Variants in BIRC2 observed in about 807,000 individuals in gnomAD.
BIRC2 encodes the protein baculoviral IAP repeat containing 2, also known as baculoviral IAP repeat-containing protein 2.
A neutral mutation model predicts 60.9 loss-of-function variants in BIRC2; 18 were observed. The ratio of observed to expected loss-of-function variants is 0.30; its 90% CI spans 0.20 to 0.44. BIRC2 has a LOEUF of 0.44. Ranked by LOEUF, BIRC2 falls within the 20% of genes least tolerant of loss-of-function variation. The pLI is 1.00. For missense variants in BIRC2, 701 were observed against 728.5 expected, an observed-to-expected ratio of 0.96 and a Z score of 0.43; for synonymous variants, 282 against 247.7, an observed-to-expected ratio of 1.14 and a Z score of -1.30.
chr11:102,375,515 T>C (rs1304783603), intron 6 of BIRC2, among the ~76,000 whole-genome samples: 1 of 152,178 alleles, frequency 6.6e-6, no homozygotes, highest in Non-Finnish European at 1.5e-5. Flanking sequence ...GCGCGGTGGC[T>C]CATGCCTGTA....
intron 3 of BIRC2, among the ~76,000 whole-genome samples, chr11:102,356,276 A>G (rs548250944): frequency 6.6e-6 from 1 of 150,470 alleles, no homozygotes; most frequent in Non-Finnish European, 1.5e-5. Context: ...GCTCACTGCA[A>G]CCTCCACCTC....
intron 1 of BIRC2, chr11:102,348,342 G>T (rs763939349): frequency 6.5e-6 from 1 of 152,932 alleles, no homozygotes; most frequent in African/African-American, 2.4e-5. Flanking sequence ...TGTTTCCTGT[G>T]TGAAAATTTC....
intron 6 of BIRC2, among the ~76,000 whole-genome samples, chr11:102,377,109 C>T (rs909319862): frequency 3.3e-5 from 5 of 152,058 alleles, no homozygotes; most frequent in African/African-American, 1.2e-4. Context: ...CAGTAATACT[C>T]GCCTTGTTTA....
Position 102,350,097 on chromosome 11 carries a change from C to G in BIRC2, c.243C>G (p.Val81=). 1 of 1,614,142 alleles carries G rather than the reference C, an allele frequency of 6.2e-7. No individual in the cohort carries two copies. The highest frequency in any genetic ancestry group is 8.5e-7 in the Non-Finnish European group (1 of 1,180,028). Residue 81 remains valine (V), a synonymous_variant, in exon 2 of 9, where the codon GTC becomes GTG. Coordinates refer to ENST00000227758, the MANE Select transcript of BIRC2 (RefSeq NM_001166.5). ...ATTATACTGGTGTGAATGACAAGGTCAAATGCTTCTGTTGTGGCCTGATGC... is the reference window on the plus strand; with the variant it reads ...ATTATACTGGTGTGAATGACAAGGTGAAATGCTTCTGTTGTGGCCTGATGC... The part of the protein sequence containing the change: ...GFYYTGVNDK[V]KCFCCGLMLD...
intron 6 of BIRC2, among the ~76,000 whole-genome samples, chr11:102,375,017 G>A (rs1001844270): frequency 3.3e-5 from 5 of 152,230 alleles, no homozygotes; most frequent in Non-Finnish European, 7.3e-5. Context: ...GCCTTGCCCT[G>A]CTTCGGTTTG....
chr11:102,352,173 G>C (rs1457295019), intron 3 of BIRC2, among the ~76,000 whole-genome samples: 9 of 150,898 alleles, frequency 6.0e-5, no homozygotes, highest in African/African-American at 2.2e-4. Context: ...GAGAGCAGTG[G>C]CGCGATCTCG....
Position 102,368,309 on chromosome 11 carries a change from T to C in BIRC2, c.1127T>C (p.Ile376Thr), listed in dbSNP as rs773378777. ...TAGCATGTTTCTTTTCAAATAGTTA[T>C]TCATTTTGGACCTGGAGAAAGTTCT... ...TGEENADPPIIHFGPGESSSE... is the reference protein window; with the variant it reads ...TGEENADPPITHFGPGESSSE... The change falls in exon 6 of 9, where the codon ATT becomes ACT. Residue 376 changes from isoleucine (I) to threonine (T), a missense_variant. Around this residue, in one of 4 missense-constraint regions of BIRC2, gnomAD observed 235 missense variants for 208.9 expected, o/e 1.12. Transcript: ENST00000227758. 53 of 1,609,844 alleles carry C rather than the reference T, an allele frequency of 3.3e-5. No individual in the cohort carries two copies. The highest frequency in any genetic ancestry group is 2.8e-4 in the South Asian group (25 of 90,434).
chr11:102,354,398 G>A lies in BIRC2; in HGVS notation c.995+3455G>A, dbSNP rs147130465. 2.5e-3 allele frequency among the ~76,000 whole-genome samples: 373 copies of A among 152,170 alleles called. 1 individual carries two copies. Among genetic ancestry groups the A allele is most frequent in the Middle Eastern group, 0.01 (3 of 294 alleles). On this transcript the variant is annotated intron_variant, in intron 3 of 8. Transcript: ENST00000227758. The stretch of plus-strand genomic sequence containing the variant: ...CTAATTACTCTGTTTTTGTAGAGAC[G>A]GGGTTTCACCATGTTGGCCAGGCTG...
At chr11:102,361,141 C>T (rs565197225) in intron 3 of BIRC2, among the ~76,000 whole-genome samples, 1 of 152,098 alleles carries the variant, frequency 6.6e-6, no homozygotes, top group South Asian at 2.1e-4. Context: ...TCTCTGATGG[C>T]GTGGACACCT....
At chr11:102,365,363 C>CA (rs1195613760) in intron 5 of BIRC2, among the ~76,000 whole-genome samples, 1 of 152,152 alleles carries the variant, frequency 6.6e-6, no homozygotes, top group Non-Finnish European at 1.5e-5. Context: ...TGAATGTCCC[C>CA]ATTCAGCTAT....
chr11:102,352,557 C>T (rs34559497), intron 3 of BIRC2, among the ~76,000 whole-genome samples: 1 of 152,272 alleles, frequency 6.6e-6, no homozygotes, highest in East Asian at 1.9e-4. Context: ...ATTATAGGTG[C>T]CTGCCACCAT....
intron 3 of BIRC2, among the ~76,000 whole-genome samples, chr11:102,360,832 G>T (rs1175392068): frequency 1.3e-5 from 2 of 151,110 alleles, no homozygotes; most frequent in African/African-American, 2.4e-5. Flanking sequence ...GAGGGTGAGG[G>T]TGAGGGCGCC....
Position 102,350,614 on chromosome 11 carries a change from C to G in BIRC2, c.760C>G (p.Leu254Val). Residue 254 changes from leucine (L) to valine (V), a missense_variant, in exon 2 of 9, where the codon CTA becomes GTA. By Grantham distance (32) the Leu-to-Val change is conservative. Around this residue, in one of 4 missense-constraint regions of BIRC2, gnomAD observed 375 missense variants for 365.9 expected, o/e 1.02. Transcript: ENST00000227758. ...FPNCPFLENS[L>V]ETLRFSISNL... ...CAACTGTCCATTTTTGGAAAATTCT[C>G]TAGAAACTCTGAGGTTTAGCATTTC... 1.9e-6 allele frequency: 3 copies of G among 1,614,144 alleles called. No individual in the cohort carries two copies. Among genetic ancestry groups the G allele is most frequent in the Non-Finnish European group, 2.5e-6 (3 of 1,180,026 alleles).
intron 3 of BIRC2, among the ~76,000 whole-genome samples, chr11:102,362,347 G>A (rs1178227247): frequency 1.3e-5 from 2 of 152,056 alleles, no homozygotes; most frequent in African/African-American, 2.4e-5. Context: ...GAACTTCTTG[G>A]AACATCTTTG....
Position 102,376,971 on chromosome 11 carries a change from G to A in BIRC2, c.1367-525G>A, listed in dbSNP as rs375804632. The stretch of plus-strand genomic sequence containing the variant: ...AAACCCTACAATACTACAATACCAC[G>A]TCTTAAGTATGGGGTGTTGAAAAGA... On this transcript the variant is annotated intron_variant, in intron 6 of 8. Transcript: ENST00000227758. Among the ~76,000 whole-genome samples, 10 of 152,126 alleles carry A rather than the reference G, an allele frequency of 6.6e-5. No individual in the cohort carries two copies. In the South Asian group the frequency reaches 1.5e-3, roughly 22 times the overall value.
At chr11:102,374,415 G>A (rs1266873554) in intron 6 of BIRC2, among the ~76,000 whole-genome samples, 9 of 148,150 alleles carry the variant, frequency 6.1e-5, no homozygotes, top group African/African-American at 1.0e-4. Context: ...AGGTCTGTTG[G>A]AATACCCTGC....
chr11:102,353,150 A>G (rs1179547624), intron 3 of BIRC2, among the ~76,000 whole-genome samples: 1 of 152,206 alleles, frequency 6.6e-6, no homozygotes, highest in African/African-American at 2.4e-5. Flanking sequence ...ATGTTGTGGT[A>G]TCAAAGACAA....
intron 3 of BIRC2, among the ~76,000 whole-genome samples, chr11:102,360,092 A>T (rs1185578398): frequency 2.7e-5 from 4 of 150,836 alleles, no homozygotes; most frequent in African/African-American, 9.8e-5. Context: ...TCAGCCTCCC[A>T]CGTAGCTGGG....
At chr11:102,367,310 G>GTT (rs200121347) in intron 5 of BIRC2, among the ~76,000 whole-genome samples, 1 of 143,972 alleles carries the variant, frequency 6.9e-6, no homozygotes, top group Admixed American at 6.9e-5. Flanking sequence ...GTTATTTTCT[G>GTT]TTTTTTTTTT....
Sources: allele counts gnomAD v4.1 joint callset (sites outside exome capture counted in the v4.1 genomes callset), GRCh38; gene constraint gnomAD v4.1.1; regional missense constraint gnomAD v4.1.1; transcripts MANE v1.5; gene names NCBI Gene and HGNC (gene_info 2026-07-23, HGNC 2026-07-21).